The following CSMD1 variants were observed in gnomAD, a reference collection of about 807,000 sequenced individuals.
CSMD1 encodes the protein CUB and Sushi multiple domains 1.
In CSMD1, 213 loss-of-function variants were observed where a neutral mutation model predicts 417.5. That is an observed-to-expected ratio of 0.51 (90% confidence interval 0.46 to 0.57). The LOEUF is 0.57. Ranked by LOEUF, CSMD1 falls within the 20% of genes least tolerant of loss-of-function variation. The probability of loss-of-function intolerance (pLI) is 0.00; values close to 1 mark genes in which losing one functional copy is unlikely to be tolerated. For synonymous variants in CSMD1, 2,862 were observed against 1,736.8 expected (o/e 1.65, Z -16.11); for missense variants, 6,923 against 4,529.7 (o/e 1.53, Z -15.17).
chr8:4,298,774 T>C (rs1183845941), intron 3 of CSMD1, among the ~76,000 whole-genome samples: 1 of 152,102 alleles, frequency 6.6e-6, no homozygotes, highest in African/African-American at 2.4e-5. Context: ...TGCTTTTGAA[T>C]AAATTTATTT....
At chr8:3,799,139 C>T (rs965117273) in intron 5 of CSMD1, among the ~76,000 whole-genome samples, 1 of 151,990 alleles carries the variant, frequency 6.6e-6, no homozygotes, top group Admixed American at 6.6e-5. Context: ...TTTTATTTAA[C>T]ACTTCAATAA....
At chr8:3,008,777 G>A (rs555358410) in intron 52 of CSMD1, among the ~76,000 whole-genome samples, 87 of 152,260 alleles carry the variant, frequency 5.7e-4, no homozygotes, top group African/African-American at 1.8e-3. Context: ...GGAGTTATGC[G>A]GTTTGCAACC....
intron 49 of CSMD1, among the ~76,000 whole-genome samples, chr8:3,063,936 C>T (rs758765194): frequency 4.6e-5 from 7 of 152,138 alleles, no homozygotes; most frequent in African/African-American, 1.7e-4. Flanking sequence ...GTACTTAACA[C>T]CACTGAACTG....
intron 12 of CSMD1, among the ~76,000 whole-genome samples, chr8:3,414,868 G>C (rs1296902489): frequency 1.3e-5 from 2 of 152,084 alleles, no homozygotes; most frequent in Admixed American, 1.3e-4. Context: ...TTCTAATTCA[G>C]TCTGCGCTTG....
intron 5 of CSMD1, among the ~76,000 whole-genome samples, chr8:3,808,375 CTG>C (rs1286637710): frequency 1.3e-5 from 2 of 152,082 alleles, no homozygotes; most frequent in African/African-American, 4.8e-5. Flanking sequence ...AAAGGACTGA[CTG>C]TGATAATGAC....
intron 2 of CSMD1, among the ~76,000 whole-genome samples, chr8:4,583,987 C>T (rs1323063244): frequency 3.3e-5 from 5 of 151,894 alleles, no homozygotes; most frequent in South Asian, 2.1e-4. Flanking sequence ...ACCACAAGCC[C>T]ACCGGGAGGG....
At chr8:3,396,076 G>C (rs975144272) in intron 17 of CSMD1, 118 bp downstream of exon 17, 70 of 815,516 alleles carry the variant, frequency 8.6e-5, no homozygotes, top group Non-Finnish European at 1.2e-4. Flanking sequence ...GGTTTTGCTA[G>C]AGTCAAGCAG....
At chr8:4,204,832 AT>A (rs11284145) in intron 3 of CSMD1, among the ~76,000 whole-genome samples, 40,526 of 151,118 alleles carry the variant, frequency 0.27, 5,941 homozygotes, top group African/African-American at 0.38. Flanking sequence ...CTTTTATTTA[AT>A]TTTTTTTTAC....
At chr8:4,097,420 T>A (rs1049128550) in intron 3 of CSMD1, among the ~76,000 whole-genome samples, 4 of 152,200 alleles carry the variant, frequency 2.6e-5, no homozygotes, top group Non-Finnish European at 4.4e-5. Flanking sequence ...GAACGTTGTA[T>A]ACATATACGC....
intron 49 of CSMD1, among the ~76,000 whole-genome samples, chr8:3,072,651 A>T (rs1305086732): frequency 1.3e-5 from 2 of 152,182 alleles, no homozygotes; most frequent in Non-Finnish European, 2.9e-5. Context: ...TTTTAATAGT[A>T]TCCCAATTTT....
intron 2 of CSMD1, among the ~76,000 whole-genome samples, chr8:4,524,047 T>C (rs554789829): frequency 2.6e-5 from 4 of 152,084 alleles, no homozygotes; most frequent in African/African-American, 7.2e-5. Context: ...ATGTGGTAAA[T>C]CCTCCCTGTG....
At chr8:4,796,662 G>A (rs571868730) in intron 1 of CSMD1, among the ~76,000 whole-genome samples, 5 of 152,242 alleles carry the variant, frequency 3.3e-5, no homozygotes, top group East Asian at 1.9e-4. Flanking sequence ...GGAAACAAAT[G>A]AGCAACCAAC....
intron 1 of CSMD1, among the ~76,000 whole-genome samples, chr8:4,692,870 G>A (rs1269517048): frequency 6.6e-6 from 1 of 152,164 alleles, no homozygotes; most frequent in East Asian, 1.9e-4. Flanking sequence ...TGCTAGACAA[G>A]ACTCTATGGT....
intron 51 of CSMD1, 126 bp downstream of exon 51, chr8:3,029,193 T>G: frequency 4.7e-6 from 3 of 635,742 alleles, no homozygotes; most frequent in Non-Finnish European, 7.4e-6. Context: ...AGACAGGCCA[T>G]TTGTTCTTTT....
chr8:4,051,090 G>C (rs182237044), intron 3 of CSMD1, among the ~76,000 whole-genome samples: 1 of 151,950 alleles, frequency 6.6e-6, no homozygotes, highest in Admixed American at 6.6e-5. Flanking sequence ...CTGAGTTACA[G>C]CATCTTTATT....
intron 1 of CSMD1, among the ~76,000 whole-genome samples, chr8:4,949,787 C>G (rs1335199001): frequency 6.6e-6 from 1 of 152,032 alleles, no homozygotes; most frequent in Admixed American, 6.6e-5. Context: ...GTGGCATTTC[C>G]TAAACATGTA....
chr8:3,996,510 T>C (rs575763447), intron 5 of CSMD1, among the ~76,000 whole-genome samples: 2 of 152,312 alleles, frequency 1.3e-5, no homozygotes, highest in Admixed American at 6.5e-5. Context: ...GATTTGCTTT[T>C]GGCAGAACCT....
chr8:4,431,716 A>G (rs942595797), intron 2 of CSMD1, among the ~76,000 whole-genome samples: 1 of 152,344 alleles, frequency 6.6e-6, no homozygotes, highest in African/African-American at 2.4e-5. Context: ...CAGAATTAAG[A>G]CAATGGAATC....
intron 7 of CSMD1, among the ~76,000 whole-genome samples, chr8:3,656,188 T>C (rs543082086): frequency 6.6e-6 from 1 of 152,162 alleles, no homozygotes; most frequent in Non-Finnish European, 1.5e-5. Flanking sequence ...GAATGTTTCC[T>C]ACCAGAGCTA....
Sources: allele counts gnomAD v4.1 joint callset (sites outside exome capture counted in the v4.1 genomes callset), GRCh38; gene constraint gnomAD v4.1.1; transcripts MANE v1.5; gene names NCBI Gene and HGNC (gene_info 2026-07-23, HGNC 2026-07-21).